The following RORA variants were observed in gnomAD, a reference collection of about 807,000 sequenced individuals.
RORA encodes RAR related orphan receptor A.
In RORA, 7 loss-of-function variants were observed where a neutral mutation model predicts 69.5. That is an observed-to-expected ratio of 0.10 (90% CI 0.06 to 0.19). The LOEUF is 0.19. Among genes scored for constraint, RORA ranks in the 10% least tolerant of loss-of-function variants. The pLI, the probability that RORA is intolerant of heterozygous loss-of-function variation, is 1.00. For synonymous variants in RORA, 261 were observed against 240.8 expected (o/e 1.08, Z -0.78); for missense variants, 457 against 663.0 (o/e 0.69, Z 3.41).
intron 1 of RORA, among the ~76,000 whole-genome samples, chr15:61,210,119 G>T (rs1357127146): frequency 6.6e-6 from 1 of 152,164 alleles, no homozygotes; most frequent in Non-Finnish European, 1.5e-5. Context: ...TCAAGAGGCA[G>T]GTGTCTCCTC....
intron 1 of RORA, among the ~76,000 whole-genome samples, chr15:61,072,314 T>C (rs1306257004): frequency 8.5e-5 from 13 of 152,186 alleles, no homozygotes; most frequent in Admixed American, 8.5e-4. Flanking sequence ...AGCCCATAAG[T>C]ACATGATAAG....
intron 1 of RORA, among the ~76,000 whole-genome samples, chr15:60,705,635 A>T (rs1333969559): frequency 6.6e-6 from 1 of 152,232 alleles, no homozygotes; most frequent in Non-Finnish European, 1.5e-5. Context: ...CTAAGACCTT[A>T]AAAACAAGCT....
intron 1 of RORA, among the ~76,000 whole-genome samples, chr15:60,827,763 G>A (rs1023373310): frequency 2.0e-5 from 3 of 152,206 alleles, no homozygotes; most frequent in Non-Finnish European, 2.9e-5. Flanking sequence ...TTTGCTCCGC[G>A]TGAGCCTGGG....
intron 1 of RORA, among the ~76,000 whole-genome samples, chr15:60,707,251 C>A (rs1253352506): frequency 3.9e-5 from 6 of 152,182 alleles, no homozygotes; most frequent in African/African-American, 1.4e-4. Context: ...TGAATTCACT[C>A]TAGCCTGCTC....
At chr15:60,819,511 A>G (rs1160871212) in intron 1 of RORA, among the ~76,000 whole-genome samples, 1 of 152,292 alleles carries the variant, frequency 6.6e-6, no homozygotes, top group South Asian at 2.1e-4. Flanking sequence ...CAGTGATTCA[A>G]TCAGAAAATG....
intron 1 of RORA, among the ~76,000 whole-genome samples, chr15:61,129,980 C>G (rs1055835755): frequency 6.6e-6 from 1 of 152,164 alleles, no homozygotes; most frequent in Admixed American, 6.5e-5. Flanking sequence ...TATAAGATTA[C>G]TGCTTATAAA....
At chr15:61,009,269 G>A (rs1447607494) in intron 1 of RORA, among the ~76,000 whole-genome samples, 1 of 152,138 alleles carries the variant, frequency 6.6e-6, no homozygotes, top group Non-Finnish European at 1.5e-5. Flanking sequence ...TAGGAAAGTT[G>A]CCATGGATTT....
intron 1 of RORA, among the ~76,000 whole-genome samples, chr15:61,029,582 C>T (rs1896031907): frequency 6.6e-6 from 1 of 151,958 alleles, no homozygotes; most frequent in Non-Finnish European, 1.5e-5. Context: ...CTGCAAAAGT[C>T]CAAGGCAAAG....
intron 1 of RORA, among the ~76,000 whole-genome samples, chr15:61,171,624 A>G (rs373454779): frequency 2.0e-5 from 3 of 152,266 alleles, no homozygotes; most frequent in East Asian, 3.9e-4. Flanking sequence ...CTACTTGACT[A>G]ATAATTCCCA....
At chr15:60,879,260 G>A (rs2073652995) in intron 1 of RORA, among the ~76,000 whole-genome samples, 1 of 152,112 alleles carries the variant, frequency 6.6e-6, no homozygotes, top group Admixed American at 6.6e-5. Flanking sequence ...TCAATCTGTT[G>A]CTAGTTGCTA....
At chr15:60,505,706 G>T in intron 5 of RORA, 77 bp from the exon 6 acceptor site, 1 of 1,516,920 alleles carries the variant, frequency 6.6e-7, no homozygotes, top group South Asian at 1.1e-5. Context: ...TTTGCTTTAA[G>T]AAATAACAAG....
intron 2 of RORA, among the ~76,000 whole-genome samples, chr15:60,640,423 A>C (rs925518372): frequency 2.0e-5 from 3 of 152,064 alleles, no homozygotes; most frequent in Admixed American, 6.6e-5. Flanking sequence ...ACCCAGTGCA[A>C]TCCATCTCCA....
At chr15:60,972,849 G>C (rs989031741) in intron 1 of RORA, among the ~76,000 whole-genome samples, 4 of 152,146 alleles carry the variant, frequency 2.6e-5, no homozygotes. Flanking sequence ...CTTAATAGTT[G>C]TGGCTCTTAG....
chr15:60,612,263 C>G (rs1272626711), intron 2 of RORA, among the ~76,000 whole-genome samples: 1 of 151,334 alleles, frequency 6.6e-6, no homozygotes, highest in Non-Finnish European at 1.5e-5. Context: ...GCCTTTTTTC[C>G]CCTGTGCCCT....
intron 1 of RORA, among the ~76,000 whole-genome samples, chr15:60,819,700 T>A (rs1210155570): frequency 1.3e-5 from 2 of 150,172 alleles, no homozygotes; most frequent in Admixed American, 6.7e-5. Context: ...AGTAAGGGGC[T>A]CCCTAGTGCT....
At chr15:61,149,822 C>G (rs1407904450) in intron 1 of RORA, among the ~76,000 whole-genome samples, 3 of 152,190 alleles carry the variant, frequency 2.0e-5, no homozygotes, top group African/African-American at 7.2e-5. Flanking sequence ...GATAAGAAGT[C>G]CCATTTTGTC....
intron 1 of RORA, among the ~76,000 whole-genome samples, chr15:60,891,511 A>C (rs1424446203): frequency 1.3e-5 from 2 of 152,242 alleles, no homozygotes; most frequent in Non-Finnish European, 2.9e-5. Context: ...CTCCAGAGAA[A>C]GTCAGAGCCA....
chr15:60,970,092 CAA>C (rs1433398825), intron 1 of RORA, among the ~76,000 whole-genome samples: 2 of 152,172 alleles, frequency 1.3e-5, no homozygotes, highest in Non-Finnish European at 2.9e-5. Flanking sequence ...GCCTACCAGC[CAA>C]AAGAGGCCTC....
At chr15:61,005,793 C>A (rs1419866946) in intron 1 of RORA, among the ~76,000 whole-genome samples, 3 of 152,014 alleles carry the variant, frequency 2.0e-5, no homozygotes, top group Non-Finnish European at 4.4e-5. Context: ...AGGTGTAGTC[C>A]AGTCTAAACT....
Sources: allele counts gnomAD v4.1 joint callset (sites outside exome capture counted in the v4.1 genomes callset), GRCh38; gene constraint gnomAD v4.1.1; transcripts MANE v1.5; gene names NCBI Gene and HGNC (gene_info 2026-07-23, HGNC 2026-07-21).